The following SRPK1 variants were observed in gnomAD, a reference collection of about 807,000 sequenced individuals.
SRPK1 encodes SFRS protein kinase 1.
A neutral mutation model predicts 89.5 loss-of-function variants in SRPK1; 52 were observed. The ratio of observed to expected loss-of-function variants is 0.58; its 90% confidence interval spans 0.46 to 0.73. The LOEUF (loss-of-function observed/expected upper bound fraction) is 0.73. SRPK1 is among the 30% of genes least tolerant of loss of function. The pLI is 0.00. For missense variants in SRPK1, 603 were observed against 780.6 expected (o/e 0.77, Z 2.71); for synonymous variants, 255 against 270.2 (o/e 0.94, Z 0.55).
chr6:35,856,738 A>C (rs1313076970), intron 13 of SRPK1, among the ~76,000 whole-genome samples: 1 of 152,214 alleles, frequency 6.6e-6, no homozygotes, highest in Non-Finnish European at 1.5e-5. Flanking sequence ...TTCCAACATG[A>C]GGATATTAGT....
In SRPK1 at chr6:35,842,518, T is replaced by C; in HGVS notation, c.1690+17A>G. 2.5e-6 allele frequency: 4 copies of C among 1,601,174 alleles called. No individual in the cohort carries two copies. Among genetic ancestry groups the C allele is most frequent in the Non-Finnish European group, 3.4e-6 (4 of 1,172,568 alleles). On this transcript the variant is annotated intron_variant, in intron 14 of 15. Coordinates refer to ENST00000373825, the MANE Select transcript of SRPK1 (RefSeq NM_003137.5). ...TGTAAATACCACGCACACACATCCA[T>C]GGTTAAGGGGACTCACCTTCATCTC...
At chr6:35,878,888 C>T (rs769912888) in intron 6 of SRPK1, among the ~76,000 whole-genome samples, 3 of 151,928 alleles carry the variant, frequency 2.0e-5, no homozygotes, top group Non-Finnish European at 1.5e-5. Flanking sequence ...GCCAGGAGTT[C>T]GAGACCAGCC....
At chr6:35,841,533 C>A (rs1340229217) in intron 14 of SRPK1, among the ~76,000 whole-genome samples, 1 of 152,130 alleles carries the variant, frequency 6.6e-6, no homozygotes, top group Non-Finnish European at 1.5e-5. Context: ...GCTGCCTCAA[C>A]TGTATAAAAC....
chr6:35,869,432 A>T (rs2127244748), intron 11 of SRPK1, 50 bp downstream of exon 11: 2 of 1,560,736 alleles, frequency 1.3e-6, no homozygotes, highest in East Asian at 4.5e-5. Flanking sequence ...GAAATCTGTG[A>T]ATGTGTTGTG....
At chr6:35,841,333 T>C (rs948118780) in intron 14 of SRPK1, among the ~76,000 whole-genome samples, 3 of 152,138 alleles carry the variant, frequency 2.0e-5, no homozygotes, top group African/African-American at 7.2e-5. Flanking sequence ...CTACTAACAT[T>C]ACCTATTAAT....
intron 12 of SRPK1, among the ~76,000 whole-genome samples, chr6:35,865,950 A>G (rs1769887877): frequency 6.6e-6 from 1 of 152,154 alleles, no homozygotes. Context: ...GGGAGAAAAA[A>G]ATCTGCAAAC....
At chr6:35,864,159 G>A (rs1441133107) in intron 12 of SRPK1, among the ~76,000 whole-genome samples, 2 of 152,074 alleles carry the variant, frequency 1.3e-5, no homozygotes, top group African/African-American at 4.8e-5. Context: ...AATACCTCAC[G>A]AGCACAGGCA....
At chr6:35,898,837 C>T (rs980097409) in intron 2 of SRPK1, among the ~76,000 whole-genome samples, 4 of 152,148 alleles carry the variant, frequency 2.6e-5, no homozygotes, top group Admixed American at 6.5e-5. Context: ...CTCCAGTTCA[C>T]ATTTTCCAAA....
intron 6 of SRPK1, among the ~76,000 whole-genome samples, chr6:35,879,880 T>C (rs939468027): frequency 6.6e-6 from 1 of 151,952 alleles, no homozygotes; most frequent in Non-Finnish European, 1.5e-5. Context: ...AAGACCAACC[T>C]GGGCCACACA....
chr6:35,911,431 T>G (rs113779341), intron 2 of SRPK1, among the ~76,000 whole-genome samples: 2 of 152,020 alleles, frequency 1.3e-5, no homozygotes, highest in African/African-American at 4.8e-5. Context: ...AAGTGGTTAC[T>G]TGGCCGGGCG....
intron 2 of SRPK1, among the ~76,000 whole-genome samples, chr6:35,911,309 G>A (rs1404084256): frequency 6.6e-6 from 1 of 152,106 alleles, no homozygotes; most frequent in Admixed American, 6.5e-5. Context: ...CTACAGATGT[G>A]GTAGAAACAG....
intron 8 of SRPK1, 147 bp downstream of exon 8, chr6:35,872,416 G>A (rs1160381655): frequency 9.6e-6 from 7 of 732,136 alleles, no homozygotes; most frequent in Non-Finnish European, 1.4e-5. Flanking sequence ...AAGTAACAGT[G>A]AGAATGTCTC....
chr6:35,838,855 T>C, intron 14 of SRPK1: 1 of 1,345,592 alleles, frequency 7.4e-7, no homozygotes, highest in Middle Eastern at 2.1e-4. Flanking sequence ...GAGGTTTTTC[T>C]ATGAATAGCT....
At chr6:35,841,250 T>G (rs1317815433) in intron 14 of SRPK1, among the ~76,000 whole-genome samples, 3 of 152,180 alleles carry the variant, frequency 2.0e-5, no homozygotes, top group Non-Finnish European at 4.4e-5. Context: ...CTCTACCCAC[T>G]TAAATAGGCA....
intron 12 of SRPK1, among the ~76,000 whole-genome samples, chr6:35,861,862 C>A (rs1769789754): frequency 6.6e-6 from 1 of 152,148 alleles, no homozygotes. Context: ...AGGGAACCTA[C>A]CCTCTCAGTC....
intron 2 of SRPK1, among the ~76,000 whole-genome samples, chr6:35,910,304 G>A (rs746299339): frequency 6.6e-6 from 1 of 152,100 alleles, no homozygotes; most frequent in Non-Finnish European, 1.5e-5. Context: ...TTTCTGAGAT[G>A]GAGAAAGTTT....
chr6:35,896,213 C>T (rs867171144), intron 2 of SRPK1, among the ~76,000 whole-genome samples: 31 of 152,224 alleles, frequency 2.0e-4, no homozygotes, highest in Admixed American at 7.2e-4. Context: ...ACCCTCAATC[C>T]GTGGGGTCTC....
chr6:35,882,176 A>AGCAGCAGC (rs1561984454), intron 6 of SRPK1, among the ~76,000 whole-genome samples: 181 of 143,844 alleles, frequency 1.3e-3, no homozygotes, highest in African/African-American at 4.7e-3. Context: ...GCAGCAGCAG[A>AGCAGCAGC]AGAAGAAGAA....
intron 8 of SRPK1, 92 bp from the exon 9 acceptor site, chr6:35,871,051 T>C: frequency 9.3e-7 from 1 of 1,073,586 alleles, no homozygotes; most frequent in Non-Finnish European, 1.4e-6. Flanking sequence ...GAATGAAAAG[T>C]CTTTCTTATG....
Sources: gnomAD v4.1 joint callset for allele counts (sites outside exome capture counted in the v4.1 genomes callset) on GRCh38, gnomAD v4.1.1 for gene constraint, MANE v1.5 for transcripts, NCBI Gene and HGNC (gene_info 2026-07-23, HGNC 2026-07-21) for gene names.